Variants in EXOC3 observed in about 807,000 individuals in gnomAD.
EXOC3 encodes exocyst complex component 3, also known as SEC6-like 1.
EXOC3 carries 21 observed loss-of-function variants against 73.7 expected under a neutral mutation model. The observed-to-expected ratio is 0.29, with a 90% CI of 0.20 to 0.41. The LOEUF (loss-of-function observed/expected upper bound fraction) is 0.41. Among genes scored for constraint, EXOC3 ranks in the 10% least tolerant of loss-of-function variants. EXOC3 has a pLI of 1.00. For synonymous variants in EXOC3, 410 were observed against 389.1 expected (o/e 1.05, Z -0.63); for missense variants, 842 against 985.1 (o/e 0.85, Z 1.95).
chr5:446,651 A>G (rs1309178061), intron 2 of EXOC3, among the ~76,000 whole-genome samples: 1 of 152,228 alleles, frequency 6.6e-6, no homozygotes, highest in Non-Finnish European at 1.5e-5. Context: ...TGAGGTCAGG[A>G]GTTCAAGACC....
chr5:453,804 A>G lies in EXOC3; in HGVS notation c.799A>G (p.Thr267Ala), dbSNP rs1737724802. Reference sequence around the variant, plus strand: ...CAGAATTGAGGGCACACAGGCAGATACCAGAGAGTCTGACAAGATGTGGCT... The same window carrying G: ...CAGAATTGAGGGCACACAGGCAGATGCCAGAGAGTCTGACAAGATGTGGCT... ...TTRIEGTQAD[T>A]RESDKMWLVR... Residue 267 changes from threonine (T) to alanine (A), a missense_variant, in exon 4 of 13, where the codon ACC (threonine) becomes GCC (alanine). Thr to Ala is a moderately conservative substitution (Grantham distance 58). Transcript: ENST00000512944. The G allele has an allele frequency of 1.6e-5, 26 of 1,613,972 alleles. No homozygotes were observed. The highest frequency in any genetic ancestry group is 2.1e-5 in the Non-Finnish European group (25 of 1,179,888).
At chr5:464,073 A>G (rs1464608181) in intron 9 of EXOC3, among the ~76,000 whole-genome samples, 1 of 152,016 alleles carries the variant, frequency 6.6e-6, no homozygotes, top group East Asian at 1.9e-4. Context: ...TCCCTCCCAC[A>G]CGCACTCAGT....
In EXOC3 at chr5:466,722, C is replaced by T; in HGVS notation, c.2067-5C>T. ...GGGCATGGGCTGACATCTCCCCATC[C>T]CCAGGGATGACCACATCGGTGCGCT... On this transcript the variant is annotated splice_polypyrimidine_tract_variant and splice_region_variant and intron_variant, in intron 12 of 12. Coordinates refer to ENST00000512944, the MANE Select transcript of EXOC3 (RefSeq NM_007277.5). The T allele has an allele frequency of 6.2e-7, 1 of 1,610,750 alleles. No homozygotes were observed. The highest frequency in any genetic ancestry group is 8.5e-7 in the Non-Finnish European group (1 of 1,178,444).
At chr5:464,232 A>T (rs947512809) in intron 9 of EXOC3, 58 bp from the exon 10 acceptor site, 1 of 1,572,602 alleles carries the variant, frequency 6.4e-7, no homozygotes, top group Non-Finnish European at 8.7e-7. Flanking sequence ...TCCCACATGC[A>T]CTCGGCTCTC....
intron 3 of EXOC3, among the ~76,000 whole-genome samples, chr5:450,503 G>A (rs574641175): frequency 6.6e-6 from 1 of 152,346 alleles, no homozygotes; most frequent in South Asian, 2.1e-4. Context: ...AGAATAGTGT[G>A]TGTTCTGTTG....
Position 466,887 on chromosome 5 carries a change from C to G in EXOC3, c.2227C>G (p.Leu743Val). 1.2e-6 allele frequency: 2 copies of G among 1,607,414 alleles called. No individual in the cohort carries two copies. The highest frequency in any genetic ancestry group is 2.2e-5 in the South Asian group (2 of 90,034). The change falls in exon 13 of 13, where the codon CTG becomes GTG. Residue 743 changes from leucine (L) to valine (V), a missense_variant. Leu to Val is a conservative substitution (Grantham distance 32). Transcript: ENST00000512944. ...GGTGCCCAGCCTGAACGTGGCCAAG[C>G]TGCTCAAGTAGCCTCCGCCGGCCTG... ...IVVPSLNVAKLLK is the reference protein window; with the variant it reads ...IVVPSLNVAKVLK
At chr5:447,830 T>C (rs572981789) in intron 3 of EXOC3, 78 bp downstream of exon 3, 20 of 1,068,090 alleles carry the variant, frequency 1.9e-5, no homozygotes, top group Non-Finnish European at 2.6e-5. Context: ...GTGTGCAGTG[T>C]GCTTTGCAGC....
chr5:460,032 G>A (rs1357786675), intron 7 of EXOC3, among the ~76,000 whole-genome samples: 1 of 152,216 alleles, frequency 6.6e-6, no homozygotes, highest in African/African-American at 2.4e-5. Flanking sequence ...TCTCTCTGCT[G>A]AAGTACCTTC....
At chr5:464,779 T>G in intron 10 of EXOC3, 1 of 435,036 alleles carries the variant, frequency 2.3e-6, no homozygotes, top group Non-Finnish European at 4.2e-6. Flanking sequence ...CTGCCGCGTT[T>G]TCCAGATGCT....
chr5:459,434 C>A lies in EXOC3; in HGVS notation c.1366C>A (p.Gln456Lys). ...LKTKVLVLCL[Q>K]QMNSFLSRYK... ...AACAAAGGTACTAGTTTTATGTCTTCAGCAGATGAATTCTTTCCTAAGCAG... is the reference window on the plus strand; with the variant it reads ...AACAAAGGTACTAGTTTTATGTCTTAAGCAGATGAATTCTTTCCTAAGCAG... The change falls in exon 7 of 13, where the codon CAG (glutamine) becomes AAG (lysine). Residue 456 changes from glutamine to lysine, a missense_variant. Transcript: ENST00000512944. 6.4e-7 allele frequency: 1 copy of A among 1,554,946 alleles called. No individual in the cohort carries two copies. The highest frequency in any genetic ancestry group is 1.9e-5 in the Admixed American group (1 of 53,562).
intron 12 of EXOC3, 171 bp from the exon 13 acceptor site, chr5:466,556 A>G: frequency 3.4e-6 from 2 of 592,922 alleles, no homozygotes. Context: ...AGACAGAGTA[A>G]GATGAAAATG....
Position 446,265 on chromosome 5 carries a change from C to G in EXOC3, c.60C>G (p.Leu20=), listed in dbSNP as rs1001601654. Residue 20 remains leucine (L), a synonymous_variant, in exon 2 of 13, where the codon CTC becomes CTG. Transcript: ENST00000512944. ...CAGTGCAAAGGGTTGCTGGGATGCT[C>G]CAGCGCCCGGACCAGCTGGACAAGG... is the stretch of plus-strand genomic sequence containing the variant. ...ATAVQRVAGM[L]QRPDQLDKVE... 4 of 1,613,964 alleles carry G rather than the reference C, an allele frequency of 2.5e-6. No individual in the cohort carries two copies. The Admixed American group carries it at 5.0e-5, about 20-fold the overall frequency.
intron 12 of EXOC3, chr5:466,349 C>T (rs1738150740): frequency 3.8e-6 from 1 of 261,256 alleles, no homozygotes; most frequent in South Asian, 7.4e-5. Context: ...CCTTTGCGGC[C>T]CCTGTCTCAG....
At chr5:454,521 C>T (rs957923945) in intron 4 of EXOC3, among the ~76,000 whole-genome samples, 7 of 152,232 alleles carry the variant, frequency 4.6e-5, no homozygotes, top group Non-Finnish European at 1.0e-4. Context: ...TTCTCTTCAC[C>T]AATATCCTAT....
At chr5:465,464 C>T (rs909209167) in intron 11 of EXOC3, among the ~76,000 whole-genome samples, 192 bp downstream of exon 11, 3 of 152,232 alleles carry the variant, frequency 2.0e-5, no homozygotes, top group African/African-American at 7.2e-5. Flanking sequence ...CCGGCCCCGC[C>T]GGCTTCCCGA....
chr5:465,390 G>T (rs1738113640), intron 11 of EXOC3, 118 bp downstream of exon 11: 1 of 1,221,930 alleles, frequency 8.2e-7, no homozygotes, highest in South Asian at 1.4e-5. Context: ...CAGGCGGGGG[G>T]AGCCTGGGTC....
At chr5:457,243 T>A (rs367986432) in intron 5 of EXOC3, 4 of 528,778 alleles carry the variant, frequency 7.6e-6, no homozygotes, top group African/African-American at 5.8e-5. Context: ...CGTGAGCCTG[T>A]GCCCTACTCG....
chr5:455,645 T>C (rs1369696112), intron 4 of EXOC3, among the ~76,000 whole-genome samples: 1 of 152,144 alleles, frequency 6.6e-6, no homozygotes, highest in Non-Finnish European at 1.5e-5. Context: ...AACCTTAGAC[T>C]TAAAAAAACT....
intron 7 of EXOC3, among the ~76,000 whole-genome samples, chr5:460,978 G>A (rs941125317): frequency 6.6e-6 from 1 of 152,154 alleles, no homozygotes; most frequent in Non-Finnish European, 1.5e-5. Context: ...CACTCCCATA[G>A]GTGCTTGAGC....
Sources: allele counts gnomAD v4.1 joint callset (sites outside exome capture counted in the v4.1 genomes callset), GRCh38; gene constraint gnomAD v4.1.1; transcripts MANE v1.5; gene names NCBI Gene and HGNC (gene_info 2026-07-23, HGNC 2026-07-21).